CDH23: variants seen among roughly 807,000 people sequenced by gnomAD.
CDH23 encodes cadherin-23.
CDH23 carries 189 observed loss-of-function variants against 317.1 expected under a neutral mutation model. That is an observed-to-expected ratio of 0.60 (90% CI 0.53 to 0.67). CDH23 has a LOEUF of 0.67. Among genes scored for constraint, CDH23 ranks in the 30% least tolerant of loss-of-function variants. CDH23 has a pLI of 0.00. For synonymous variants in CDH23, 1,839 were observed against 1,876.8 expected (o/e 0.98, Z 0.52); for missense variants, 4,401 against 4,592.4 (o/e 0.96, Z 1.20).
intron 48 of CDH23, 135 bp downstream of exon 48, chr10:71,793,775 G>C: frequency 1.5e-6 from 1 of 687,356 alleles, no homozygotes. Context: ...CTCCTCTGGA[G>C]GGAAACCAGA....
intron 14 of CDH23, among the ~76,000 whole-genome samples, chr10:71,660,858 T>A (rs1863618094): frequency 6.6e-6 from 1 of 152,198 alleles, no homozygotes; most frequent in Non-Finnish European, 1.5e-5. Flanking sequence ...ATCATACATG[T>A]AAAGTGCTTA....
chr10:71,798,423 A>C lies in CDH23; in HGVS notation c.6899A>C (p.Tyr2300Ser). 4 of 1,613,904 alleles carry C rather than the reference A, an allele frequency of 2.5e-6. No homozygotes were observed. The highest frequency in any genetic ancestry group is 3.4e-6 in the Non-Finnish European group (4 of 1,179,814). Residue 2300 changes from tyrosine to serine, a missense_variant, in exon 50 of 70, where the codon TAC becomes TCC. Tyr to Ser is a moderately radical substitution (Grantham distance 144). This residue lies in a region of CDH23 where 3,068 missense variants were observed against 3,203.3 expected (regional missense o/e 0.96). Coordinates refer to ENST00000224721, the MANE Select transcript of CDH23 (RefSeq NM_022124.6). ...TPQFKPFGIT[Y>S]YMERILEGAT... Reference sequence around the variant, plus strand: ...CAGTTCAAGCCCTTTGGGATCACCTACTACATGGAGCGGATCCTGGAGGGG... The same window carrying C: ...CAGTTCAAGCCCTTTGGGATCACCTCCTACATGGAGCGGATCCTGGAGGGG...
chr10:71,615,447 G>C, intron 9 of CDH23, 57 bp from the exon 10 acceptor site: 1 of 1,250,754 alleles, frequency 8.0e-7, no homozygotes, highest in South Asian at 1.2e-5. Flanking sequence ...CCTGCCCCCA[G>C]CTCCATGCCC....
chr10:71,477,384 G>A lies in CDH23; in HGVS notation c.145+30989G>A, dbSNP rs149575594. 3.5e-3 allele frequency among the ~76,000 whole-genome samples: 530 copies of A among 152,274 alleles called. 4 individuals carry two copies. The highest frequency in any genetic ancestry group is 0.015 in the South Asian group (74 of 4,818). ...GGATTTCACCATGTTGGCCAGGCTG[G>A]TCTCAAACTCCTGACCTCAGGTGAT... is the stretch of plus-strand genomic sequence containing the variant. On this transcript the variant is annotated intron_variant, in intron 3 of 69. Transcript: ENST00000224721.
intron 11 of CDH23, among the ~76,000 whole-genome samples, chr10:71,618,600 G>T (rs1049553797): frequency 6.6e-6 from 1 of 152,126 alleles, no homozygotes; most frequent in Admixed American, 6.5e-5. Context: ...TACTCCTTGC[G>T]TGGGGCTGCC....
intron 3 of CDH23, among the ~76,000 whole-genome samples, chr10:71,478,587 T>G (rs1851910377): frequency 6.6e-6 from 1 of 152,186 alleles, no homozygotes; most frequent in South Asian, 2.1e-4. Flanking sequence ...TCATTTTACA[T>G]CTCCAGGATC....
chr10:71,813,120 GA>G (rs1427547405), intron 68 of CDH23, 123 bp from the exon 69 acceptor site: 1 of 1,140,582 alleles, frequency 8.8e-7, no homozygotes, highest in African/African-American at 1.5e-5. Context: ...CTCTGCCGCT[GA>G]TCCTCTGCCC....
intron 6 of CDH23, among the ~76,000 whole-genome samples, chr10:71,532,558 G>A (rs1381548283): frequency 6.6e-6 from 1 of 152,116 alleles, no homozygotes; most frequent in South Asian, 2.1e-4. Context: ...TCCCAGAGGG[G>A]CCCTCTCTGA....
intron 31 of CDH23, among the ~76,000 whole-genome samples, chr10:71,731,300 G>A (rs1434846808): frequency 2.6e-5 from 4 of 152,224 alleles, no homozygotes; most frequent in South Asian, 2.1e-4. Flanking sequence ...CAGCTACTCT[G>A]GTGGCTCCCA....
intron 14 of CDH23, among the ~76,000 whole-genome samples, chr10:71,653,929 G>A (rs1183856210): frequency 1.3e-5 from 2 of 152,198 alleles, no homozygotes; most frequent in Admixed American, 1.3e-4. Flanking sequence ...GAGAGCATTG[G>A]TATTTAAGCT....
chr10:71,447,243 G>C (rs946459965), intron 3 of CDH23, among the ~76,000 whole-genome samples: 15 of 152,338 alleles, frequency 9.8e-5, no homozygotes, highest in Admixed American at 6.5e-4. Flanking sequence ...ACTTGGAAAT[G>C]AGGCAGGATG....
intron 6 of CDH23, among the ~76,000 whole-genome samples, chr10:71,553,691 A>G (rs1856725747): frequency 6.6e-6 from 1 of 152,234 alleles, no homozygotes; most frequent in South Asian, 2.1e-4. Context: ...CCATAGATGT[A>G]AGGCCCGCCC....
At chr10:71,486,824 G>A (rs928117091) in intron 3 of CDH23, among the ~76,000 whole-genome samples, 2 of 152,162 alleles carry the variant, frequency 1.3e-5, no homozygotes, top group African/African-American at 4.8e-5. Context: ...CAGGAGTGAG[G>A]GAGCAGGACT....
rs193211067 is a variant in CDH23, at chr10:71,537,922, A to G, written c.429+26710A>G. Among the ~76,000 whole-genome samples the G allele has an allele frequency of 1.1e-3, 174 of 152,324 alleles. 2 individuals are homozygous for G. The highest frequency in any genetic ancestry group is 3.7e-3 in the African/African-American group (152 of 41,574). On this transcript the variant is annotated intron_variant, in intron 6 of 69. Coordinates refer to ENST00000224721, the MANE Select transcript of CDH23 (RefSeq NM_022124.6). ...CCTCCCACTCACTCGGCTGGTATAG[A>G]GCAGAGCTGGGATTCAAGCCTATGG...
chr10:71,658,539 G>A (rs759666895), intron 14 of CDH23, among the ~76,000 whole-genome samples: 102 of 152,334 alleles, frequency 6.7e-4, no homozygotes, highest in Admixed American at 1.5e-3. Context: ...ATCCTTGACC[G>A]AGCAGCTCTG....
At chr10:71,652,766 C>T (rs1029883289) in intron 14 of CDH23, among the ~76,000 whole-genome samples, 1 of 152,194 alleles carries the variant, frequency 6.6e-6, no homozygotes, top group African/African-American at 2.4e-5. Context: ...GGAGCACGGG[C>T]CCTGGGCAAG....
At chr10:71,701,780 C>A (rs949426076) in intron 22 of CDH23, among the ~76,000 whole-genome samples, 4 of 152,124 alleles carry the variant, frequency 2.6e-5, no homozygotes, top group African/African-American at 9.7e-5. Flanking sequence ...GTTTCAAATC[C>A]TTTCAAAAAT....
At chr10:71,786,347 CCT>C (rs1841104416) in intron 44 of CDH23, among the ~76,000 whole-genome samples, 1 of 152,190 alleles carries the variant, frequency 6.6e-6, no homozygotes. Context: ...CAGCTCTGCC[CCT>C]GACTAGCTGT....
rs1291779694 is a variant in CDH23, at chr10:71,800,761, G to T, written c.7482+6G>T. On this transcript the variant is annotated splice_donor_region_variant and intron_variant, in intron 53 of 69. Coordinates refer to ENST00000224721, the MANE Select transcript of CDH23 (RefSeq NM_022124.6). ...GTCGCGAAAATTCAGTGCAGGTGAG[G>T]GGTGCCAACCTGGGCCAGGGATGAC... 1 of 1,613,542 alleles carries T rather than the reference G, an allele frequency of 6.2e-7. No individual in the cohort carries two copies. The highest frequency in any genetic ancestry group is 8.5e-7 in the Non-Finnish European group (1 of 1,179,716).
Sources: allele counts gnomAD v4.1 joint callset (sites outside exome capture counted in the v4.1 genomes callset), GRCh38; gene constraint gnomAD v4.1.1; regional missense constraint gnomAD v4.1.1; transcripts MANE v1.5; gene names NCBI Gene and HGNC (gene_info 2026-07-23, HGNC 2026-07-21).